Variants in ADAM18 observed in about 807,000 individuals in gnomAD.
ADAM18 encodes disintegrin and metalloproteinase domain-containing protein 18.
ADAM18 carries 117 observed loss-of-function variants against 94.4 expected under a neutral mutation model. The ratio of observed to expected loss-of-function variants is 1.24; its 90% CI spans 1.07 to 1.45. The LOEUF (loss-of-function observed/expected upper bound fraction) is 1.45, where lower values mean the gene tolerates loss of function less well. Among genes scored for constraint, ADAM18 ranks in the 40% most tolerant of loss-of-function variants. The pLI, the probability that ADAM18 is intolerant of heterozygous loss-of-function variation, is 0.00. For missense variants in ADAM18, 936 were observed against 880.0 expected, an observed-to-expected ratio of 1.06 and a Z score of -0.81; for synonymous variants, 327 against 291.6, an observed-to-expected ratio of 1.12 and a Z score of -1.24.
chr8:39,669,644 T>G (rs1232944592), intron 14 of ADAM18, among the ~76,000 whole-genome samples: 10 of 152,146 alleles, frequency 6.6e-5, no homozygotes, highest in African/African-American at 2.2e-4. Context: ...GGACATGAAC[T>G]CATCATTTTT....
intron 12 of ADAM18, among the ~76,000 whole-genome samples, chr8:39,657,407 G>A (rs1253939770): frequency 6.6e-6 from 1 of 152,066 alleles, no homozygotes; most frequent in Non-Finnish European, 1.5e-5. Flanking sequence ...TGCCTCCCAG[G>A]TTCAAGAGAT....
At chr8:39,630,552 A>G (rs1819904623) in intron 7 of ADAM18, among the ~76,000 whole-genome samples, 2 of 151,914 alleles carry the variant, frequency 1.3e-5, no homozygotes, top group East Asian at 3.8e-4. Flanking sequence ...ATTGTAGATT[A>G]TACATTCTAT....
chr8:39,622,615 G>A (rs552697578), intron 6 of ADAM18, among the ~76,000 whole-genome samples: 50 of 151,894 alleles, frequency 3.3e-4, no homozygotes, highest in Non-Finnish European at 6.3e-4. Flanking sequence ...ATCTAGTTTT[G>A]TCAATAACTT....
chr8:39,643,524 T>C (rs1405858561), intron 10 of ADAM18, among the ~76,000 whole-genome samples: 5 of 152,120 alleles, frequency 3.3e-5, no homozygotes, highest in Non-Finnish European at 7.4e-5. Context: ...AGGGCTGCCA[T>C]AACAAAATAC....
chr8:39,586,470 C>T (rs188515023), intron 2 of ADAM18, among the ~76,000 whole-genome samples: 7 of 152,302 alleles, frequency 4.6e-5, no homozygotes, highest in Non-Finnish European at 7.4e-5. Context: ...TCTGCCAACA[C>T]AATCCCATCC....
chr8:39,610,430 T>C lies in ADAM18; in HGVS notation c.345-99T>C, dbSNP rs962283561. 7 of 1,355,052 alleles carry C rather than the reference T, an allele frequency of 5.2e-6. No individual in the cohort carries two copies. In the African/African-American group the frequency reaches 1.1e-4, roughly 20 times the overall value. 83.9% of individuals were successfully genotyped at this position (1,355,052 alleles called of 1,614,324 possible). ...AATGGGCTTAAAATGTGTTCTTTAG[T>C]ATAGTTTTTTAATTTCTTATGCCAT... On this transcript the variant is annotated intron_variant, in intron 5 of 19. Coordinates refer to ENST00000265707, the MANE Select transcript of ADAM18 (RefSeq NM_014237.3).
chr8:39,721,229 G>A (rs747055408), intron 18 of ADAM18, among the ~76,000 whole-genome samples: 3 of 151,280 alleles, frequency 2.0e-5, no homozygotes, highest in Non-Finnish European at 3.0e-5. Flanking sequence ...ACATGCAGAA[G>A]AAAAAATCTA....
At chr8:39,612,131 T>TG (rs1252780871) in intron 6 of ADAM18, among the ~76,000 whole-genome samples, 1 of 145,486 alleles carries the variant, frequency 6.9e-6, no homozygotes, top group Admixed American at 6.8e-5. Context: ...GCTTAATTAG[T>TG]GAAAAAAAAA....
chr8:39,723,172 TA>T (rs897762695), intron 18 of ADAM18, among the ~76,000 whole-genome samples: 2 of 138,878 alleles, frequency 1.4e-5, no homozygotes, highest in African/African-American at 2.7e-5. Context: ...TTTTAAGTAT[TA>T]AAAAAACAAA....
At chr8:39,729,845 C>T (rs1823023802) in intron 19 of ADAM18, 53 bp from the exon 20 acceptor site, 1 of 1,459,028 alleles carries the variant, frequency 6.9e-7, no homozygotes, top group African/African-American at 1.4e-5. Context: ...AGGCAATTGG[C>T]TACTACTAAA....
chr8:39,617,807 G>A (rs1819489254), intron 6 of ADAM18, among the ~76,000 whole-genome samples: 3 of 149,554 alleles, frequency 2.0e-5, no homozygotes, highest in African/African-American at 4.9e-5. Flanking sequence ...TAGACACAAA[G>A]AAGGGAACAA....
intron 13 of ADAM18, among the ~76,000 whole-genome samples, chr8:39,664,612 G>A (rs1820941146): frequency 6.6e-6 from 1 of 152,018 alleles, no homozygotes; most frequent in Admixed American, 6.6e-5. Flanking sequence ...AATAAATGAT[G>A]AATGATTATG....
intron 12 of ADAM18, 94 bp from the exon 13 acceptor site, chr8:39,663,701 G>T: frequency 6.9e-6 from 4 of 577,510 alleles, no homozygotes; most frequent in East Asian, 5.2e-5. Flanking sequence ...CTACAAGTTT[G>T]TACACAACAG....
chr8:39,651,923 GC>G (rs144689044), intron 12 of ADAM18, among the ~76,000 whole-genome samples: 15,144 of 151,754 alleles, frequency 0.1, 1,033 homozygotes, highest in South Asian at 0.25. Context: ...GAAACAAAGA[GC>G]CCAAAAATAA....
chr8:39,604,578 A>C, intron 2 of ADAM18: 1 of 152,076 alleles, frequency 6.6e-6, no homozygotes, highest in Non-Finnish European at 1.5e-5. Context: ...TGGTCATGTA[A>C]AAGTGTGTGG....
In ADAM18 at chr8:39,609,502, A is replaced by G. The variant is rs141543119; in HGVS notation, c.285A>G (p.Gln95=). The part of the protein sequence containing the change: ...SPYFMMHCHY[Q]GYAAEFPNSF... ...TTTTTCAGATGCATTGCCATTACCA[A>G]GGATATGCTGCCGAATTTCCAAATT... The change falls in exon 5 of 20, where the codon CAA becomes CAG. Residue 95 remains glutamine (Q), a synonymous_variant. Coordinates refer to ENST00000265707, the MANE Select transcript of ADAM18 (RefSeq NM_014237.3). 1.9e-6 allele frequency: 3 copies of G among 1,611,332 alleles called. No homozygotes were observed. Among genetic ancestry groups the G allele is most frequent in the African/African-American group, 2.7e-5 (2 of 74,898 alleles).
At chr8:39,708,017 A>G (rs1378579886) in intron 18 of ADAM18, among the ~76,000 whole-genome samples, 3 of 152,328 alleles carry the variant, frequency 2.0e-5, no homozygotes, top group East Asian at 1.9e-4. Context: ...ACTAATGGAC[A>G]GGTAGCATAT....
At chr8:39,647,397 C>T (rs931634483) in intron 11 of ADAM18, among the ~76,000 whole-genome samples, 1 of 152,206 alleles carries the variant, frequency 6.6e-6, no homozygotes, top group Non-Finnish European at 1.5e-5. Context: ...CAACATGTCT[C>T]GCCTCCCGCC....
At chr8:39,588,867 G>A (rs1818486045) in intron 2 of ADAM18, among the ~76,000 whole-genome samples, 1 of 152,156 alleles carries the variant, frequency 6.6e-6, no homozygotes, top group African/African-American at 2.4e-5. Flanking sequence ...GAATTTGGGG[G>A]AAGTTTTAGG....
Sources: allele counts gnomAD v4.1 joint callset (sites outside exome capture counted in the v4.1 genomes callset), GRCh38; gene constraint gnomAD v4.1.1; transcripts MANE v1.5; gene names NCBI Gene and HGNC (gene_info 2026-07-23, HGNC 2026-07-21).